FRMD3: variants seen among roughly 807,000 people sequenced by gnomAD.
The protein encoded by FRMD3 is FERM domain-containing protein 3.
Under a neutral mutation model 70.2 loss-of-function variants are expected in FRMD3, and 33 were observed. That is an observed-to-expected ratio of 0.47 (90% CI 0.36 to 0.63). FRMD3 has a LOEUF of 0.63. Ranked by LOEUF, FRMD3 falls within the 20% of genes least tolerant of loss-of-function variation. The pLI is 0.00. For missense variants in FRMD3, 632 were observed against 711.4 expected, an observed-to-expected ratio of 0.89 and a Z score of 1.27; for synonymous variants, 279 against 255.9, an observed-to-expected ratio of 1.09 and a Z score of -0.86.
At chr9:83,543,772 A>G in the FRMD3 span, among the ~76,000 whole-genome samples, 1 of 152,172 alleles carries the variant, frequency 6.6e-6, no homozygotes, top group Non-Finnish European at 1.5e-5. Flanking sequence ...AGAGCTCCCC[A>G]CTTCTGTGCT....
chr9:83,389,751 G>T lies in FRMD3; in HGVS notation c.148-43C>A, dbSNP rs749206609. The T allele has an allele frequency of 3.7e-6, 5 of 1,355,474 alleles. No individual in the cohort carries two copies. In the African/African-American group the frequency reaches 4.3e-5, roughly 12 times the overall value. 84.0% of individuals were successfully genotyped at this position (1,355,474 alleles called of 1,614,324 possible). On this transcript the variant is annotated intron_variant, in intron 1 of 13. Coordinates refer to ENST00000304195, the MANE Select transcript of FRMD3 (RefSeq NM_174938.6). ...TTAAGTCTCAGCCAGAGCTCACCTTGTGCATTCACGTCCTCAGGGAGCCTT... is the reference window on the plus strand; with the variant it reads ...TTAAGTCTCAGCCAGAGCTCACCTTTTGCATTCACGTCCTCAGGGAGCCTT...
At chr9:83,290,519 C>A in intron 13 of FRMD3, 84 bp downstream of exon 13, 1 of 1,462,382 alleles carries the variant, frequency 6.8e-7, no homozygotes, top group Non-Finnish European at 9.6e-7. Flanking sequence ...ATCAATTACC[C>A]ATCATATGCA....
At chr9:83,441,430 A>G (rs1827291466) in intron 1 of FRMD3, among the ~76,000 whole-genome samples, 1 of 152,154 alleles carries the variant, frequency 6.6e-6, no homozygotes, top group Admixed American at 6.6e-5. Context: ...CAGCTCCTGG[A>G]TCTAAATGAT....
intron 3 of FRMD3, 141 bp from the exon 4 acceptor site, chr9:83,349,898 A>G: frequency 1.8e-6 from 1 of 554,978 alleles, no homozygotes; most frequent in Non-Finnish European, 3.2e-6. Flanking sequence ...TGGAAGAAGC[A>G]GATATGATGC....
At chr9:83,451,784 C>T (rs1378690847) in intron 1 of FRMD3, among the ~76,000 whole-genome samples, 1 of 152,062 alleles carries the variant, frequency 6.6e-6, no homozygotes, top group African/African-American at 2.4e-5. Context: ...CTGCCTCTCA[C>T]CTTAATAGAT....
intron 4 of FRMD3, among the ~76,000 whole-genome samples, chr9:83,349,180 T>TC (rs1305062041): frequency 1.3e-5 from 2 of 151,822 alleles, no homozygotes; most frequent in Non-Finnish European, 2.9e-5. Context: ...AGGGAGGAGG[T>TC]CCAAGGACTC....
chr9:83,323,882 T>C (rs932685018), intron 6 of FRMD3, among the ~76,000 whole-genome samples: 3 of 152,196 alleles, frequency 2.0e-5, no homozygotes, highest in African/African-American at 7.2e-5. Flanking sequence ...TAGAGCAACC[T>C]AACTGCCATT....
chr9:83,527,733 C>A (rs1212395554), intron 1 of FRMD3, among the ~76,000 whole-genome samples: 1 of 152,098 alleles, frequency 6.6e-6, no homozygotes, highest in African/African-American at 2.4e-5. Context: ...ACACTTCTCC[C>A]AGGGCTCAAT....
chr9:83,531,283 T>C (rs778903518), intron 1 of FRMD3, among the ~76,000 whole-genome samples: 1 of 152,186 alleles, frequency 6.6e-6, no homozygotes, highest in Non-Finnish European at 1.5e-5. Context: ...CCAGTTTGAA[T>C]TAGAATTTGT....
At chr9:83,311,462 G>C (rs148691126) in intron 8 of FRMD3, among the ~76,000 whole-genome samples, 38 of 152,184 alleles carry the variant, frequency 2.5e-4, no homozygotes, top group Admixed American at 7.2e-4. Context: ...GCATCTTCAC[G>C]GATACACTGG....
chr9:83,265,280 A>G (rs954554915), intron 13 of FRMD3, among the ~76,000 whole-genome samples: 4 of 151,828 alleles, frequency 2.6e-5, no homozygotes, highest in African/African-American at 9.7e-5. Context: ...GGCGCCTGTA[A>G]TATCAGCTAC....
intron 10 of FRMD3, among the ~76,000 whole-genome samples, chr9:83,307,824 T>A (rs953765626): frequency 2.6e-5 from 4 of 152,180 alleles, no homozygotes; most frequent in East Asian, 1.9e-4. Context: ...GATTTCCATT[T>A]AAAAAATTTT....
Position 83,245,485 on chromosome 9 carries a change from A to C in FRMD3, c.*2433T>G. 3 of 984,302 alleles carry C rather than the reference A, an allele frequency of 3.0e-6. No homozygotes were observed. Among genetic ancestry groups the C allele is most frequent in the Non-Finnish European group, 3.6e-6 (3 of 828,902 alleles). The allele number at this position is 984,302 out of a possible 1,614,324, so 61.0% of individuals were successfully genotyped here. A position where few individuals can be genotyped will look rare whatever the true frequency, so the allele number is the denominator to read the frequency against. ...AACTTCTTCACTTAAAAACATTTCT[A>C]TTCAACAATGAAGTTTCCACCTAAG... On this transcript the variant is annotated 3_prime_UTR_variant, in exon 14 of 14. Coordinates refer to ENST00000304195, the MANE Select transcript of FRMD3 (RefSeq NM_174938.6).
At chr9:83,314,882 C>T (rs1424626041) in intron 6 of FRMD3, among the ~76,000 whole-genome samples, 1 of 152,118 alleles carries the variant, frequency 6.6e-6, no homozygotes, top group Non-Finnish European at 1.5e-5. Flanking sequence ...CTTTGAGAGG[C>T]CCTAATAAAT....
At chr9:83,366,002 C>A (rs1383740485) in intron 3 of FRMD3, among the ~76,000 whole-genome samples, 3 of 152,026 alleles carry the variant, frequency 2.0e-5, no homozygotes, top group Non-Finnish European at 4.4e-5. Context: ...CAGGTGGGAC[C>A]AGTTTCGTCC....
At chr9:83,294,096 A>C (rs1451047507) in intron 12 of FRMD3, among the ~76,000 whole-genome samples, 1 of 152,196 alleles carries the variant, frequency 6.6e-6, no homozygotes, top group Non-Finnish European at 1.5e-5. Context: ...ACTCCAATGT[A>C]ATGGTATTAA....
chr9:83,244,407 A>ATGTT (rs751981305), downstream of FRMD3, among the ~76,000 whole-genome samples: 2 of 151,712 alleles, frequency 1.3e-5, no homozygotes, highest in Non-Finnish European at 2.9e-5. Context: ...GGTTTATTTT[A>ATGTT]TGTTTGAGCA....
chr9:83,491,655 A>G (rs1828828777), intron 1 of FRMD3, among the ~76,000 whole-genome samples: 1 of 152,148 alleles, frequency 6.6e-6, no homozygotes, highest in Non-Finnish European at 1.5e-5. Flanking sequence ...TTCCACAAAA[A>G]TCCTCACAGG....
chr9:83,354,481 A>G (rs181921299), intron 3 of FRMD3, among the ~76,000 whole-genome samples: 1 of 152,290 alleles, frequency 6.6e-6, no homozygotes, highest in East Asian at 1.9e-4. Flanking sequence ...GATGGAAACA[A>G]CAGACGCTGG....
Sources: allele counts gnomAD v4.1 joint callset (sites outside exome capture counted in the v4.1 genomes callset), GRCh38; gene constraint gnomAD v4.1.1; transcripts MANE v1.5; gene names NCBI Gene and HGNC (gene_info 2026-07-23, HGNC 2026-07-21).